TSPAN18: variants seen among roughly 807,000 people sequenced by gnomAD.
TSPAN18 encodes tetraspanin 18.
A neutral mutation model predicts 27.3 loss-of-function variants in TSPAN18; 14 were observed. That is an observed-to-expected ratio of 0.51 (90% CI 0.34 to 0.80). The LOEUF (loss-of-function observed/expected upper bound fraction) is 0.80. Ranked by LOEUF, TSPAN18 falls within the 30% of genes least tolerant of loss-of-function variation. The pLI is 0.01. For missense variants in TSPAN18, 268 were observed against 323.9 expected, an observed-to-expected ratio of 0.83 and a Z score of 1.32; for synonymous variants, 143 against 136.5, an observed-to-expected ratio of 1.05 and a Z score of -0.33.
At chr11:44,835,790 C>T (rs933361320) in intron 2 of TSPAN18, among the ~76,000 whole-genome samples, 3 of 152,198 alleles carry the variant, frequency 2.0e-5, no homozygotes, top group Non-Finnish European at 2.9e-5. Flanking sequence ...ACAGCATGTG[C>T]TCACTTCCTA....
intron 2 of TSPAN18, among the ~76,000 whole-genome samples, chr11:44,771,296 C>T (rs904455781): frequency 1.3e-5 from 2 of 152,192 alleles, no homozygotes; most frequent in African/African-American, 4.8e-5. Context: ...AAGCTCTATG[C>T]CTTGCTGCAA....
chr11:44,908,831 A>AGGAAGGAAGGAAGGAAGGAAGG (rs1590671451), intron 4 of TSPAN18, among the ~76,000 whole-genome samples: 1 of 96,234 alleles, frequency 1.0e-5, no homozygotes, highest in African/African-American at 4.2e-5. Context: ...AAGAAAGAAA[A>AGGAAGGAAGGAAGGAAGGAAGG]AGAAAAATGG....
intron 1 of TSPAN18, among the ~76,000 whole-genome samples, chr11:44,761,878 C>CAG (rs1855462476): frequency 6.6e-6 from 1 of 152,216 alleles, no homozygotes; most frequent in South Asian, 2.1e-4. Flanking sequence ...GACAGTAGAG[C>CAG]AGGGACATCT....
At chr11:44,800,304 A>C (rs887913154) in intron 2 of TSPAN18, among the ~76,000 whole-genome samples, 1 of 152,096 alleles carries the variant, frequency 6.6e-6, no homozygotes, top group Non-Finnish European at 1.5e-5. Context: ...TGATGGAGAA[A>C]CTGAGGTTCA....
intron 3 of TSPAN18, among the ~76,000 whole-genome samples, chr11:44,867,514 T>G (rs1270630186): frequency 2.1e-5 from 3 of 141,880 alleles, no homozygotes; most frequent in African/African-American, 5.3e-5. Context: ...TTCTCCTGCC[T>G]CAGTCTCCTG....
chr11:44,899,888 A>G (rs1235298935), intron 3 of TSPAN18, among the ~76,000 whole-genome samples: 3 of 152,140 alleles, frequency 2.0e-5, no homozygotes, highest in Non-Finnish European at 4.4e-5. Flanking sequence ...TGGGCCTCCC[A>G]CCACTGGCCC....
chr11:44,802,312 G>C (rs539683921), intron 2 of TSPAN18, among the ~76,000 whole-genome samples: 86 of 151,808 alleles, frequency 5.7e-4, no homozygotes, highest in African/African-American at 2.1e-3. Context: ...AGCACAAAGT[G>C]GTTGAGGTGG....
chr11:44,852,570 C>G (rs2135192337), intron 2 of TSPAN18, among the ~76,000 whole-genome samples: 1 of 152,340 alleles, frequency 6.6e-6, no homozygotes, highest in African/African-American at 2.4e-5. Context: ...CTTCTTTGTG[C>G]AAACATGTAC....
intron 3 of TSPAN18, among the ~76,000 whole-genome samples, chr11:44,872,415 T>C (rs1269409292): frequency 6.6e-6 from 1 of 152,180 alleles, no homozygotes; most frequent in Non-Finnish European, 1.5e-5. Flanking sequence ...ACCAACCTCA[T>C]AGGGTTGCCA....
At chr11:44,766,512 C>T (rs560948399) in intron 2 of TSPAN18, among the ~76,000 whole-genome samples, 2 of 123,746 alleles carry the variant, frequency 1.6e-5, no homozygotes, top group Middle Eastern at 4.3e-3. Flanking sequence ...TTCCCATCCC[C>T]AGGACCTTTC....
intron 2 of TSPAN18, among the ~76,000 whole-genome samples, chr11:44,858,870 T>A (rs1857804942): frequency 6.6e-6 from 1 of 152,130 alleles, no homozygotes; most frequent in African/African-American, 2.4e-5. Flanking sequence ...ATTGAAACAA[T>A]CTCTGTTGTC....
At chr11:44,841,514 T>TAA (rs11353014) in intron 2 of TSPAN18, among the ~76,000 whole-genome samples, 3 of 146,974 alleles carry the variant, frequency 2.0e-5, no homozygotes, top group Non-Finnish European at 3.0e-5. Context: ...AAATTCCATC[T>TAA]AAAAAAAAAA....
chr11:44,890,427 T>G (rs1043768972), intron 3 of TSPAN18, among the ~76,000 whole-genome samples: 7 of 152,230 alleles, frequency 4.6e-5, no homozygotes, highest in African/African-American at 1.7e-4. Context: ...ACCTAAAAAT[T>G]GCTGGGAATT....
intron 3 of TSPAN18, chr11:44,886,311 CAA>C (rs1371437409): frequency 6.6e-6 from 1 of 152,172 alleles, no homozygotes; most frequent in Non-Finnish European, 1.5e-5. Context: ...GAGGAGCAGA[CAA>C]AGTGAAATTG....
chr11:44,741,790 A>G (rs1854942380), intron 1 of TSPAN18, among the ~76,000 whole-genome samples: 1 of 152,166 alleles, frequency 6.6e-6, no homozygotes, highest in African/African-American at 2.4e-5. Flanking sequence ...TAGTTTCCTC[A>G]TCTAGAAAAA....
intron 2 of TSPAN18, among the ~76,000 whole-genome samples, chr11:44,851,616 C>CCA (rs1554991768): frequency 7.9e-6 from 1 of 127,278 alleles, no homozygotes; most frequent in Admixed American, 7.6e-5. Context: ...CTTGTCACCT[C>CCA]CCCCCCCCAA....
intron 2 of TSPAN18, among the ~76,000 whole-genome samples, chr11:44,855,867 TTTTA>T (rs968259307): frequency 2.7e-5 from 4 of 147,524 alleles, no homozygotes; most frequent in African/African-American, 7.4e-5. Flanking sequence ...TTCTTGCTGC[TTTTA>T]TTTATTTATT....
In TSPAN18 at chr11:44,880,402, A is replaced by G. The variant is rs113894546; in HGVS notation, c.-11+19933A>G. On this transcript the variant is annotated intron_variant, in intron 3 of 9. Coordinates refer to ENST00000520358, the MANE Select transcript of TSPAN18 (RefSeq NM_130783.5). ...TGCATAACCCTGGTGAAGGGGTGTCACCTCCCTGGGACTCCCTCTCCTCAT... is the reference window on the plus strand; with the variant it reads ...TGCATAACCCTGGTGAAGGGGTGTCGCCTCCCTGGGACTCCCTCTCCTCAT... 3.6e-3 allele frequency among the ~76,000 whole-genome samples: 554 copies of G among 152,068 alleles called. 5 individuals are homozygous for G. The highest frequency in any genetic ancestry group is 0.013 in the African/African-American group (525 of 41,494).
At chr11:44,900,255 G>C (rs924674256) in intron 3 of TSPAN18, among the ~76,000 whole-genome samples, 3 of 152,202 alleles carry the variant, frequency 2.0e-5, no homozygotes, top group African/African-American at 7.2e-5. Flanking sequence ...TCAGCCTGGC[G>C]GTGGGTGATG....
Sources: allele counts gnomAD v4.1 joint callset (sites outside exome capture counted in the v4.1 genomes callset), GRCh38; gene constraint gnomAD v4.1.1; transcripts MANE v1.5; gene names NCBI Gene and HGNC (gene_info 2026-07-23, HGNC 2026-07-21).